The following HMG20A variants were observed in gnomAD, a reference collection of about 807,000 sequenced individuals.
The protein encoded by HMG20A is high mobility group protein 20A.
A neutral mutation model predicts 43.9 loss-of-function variants in HMG20A; 17 were observed. The observed-to-expected ratio is 0.39, with a 90% confidence interval of 0.27 to 0.58. HMG20A has a LOEUF of 0.58. Ranked by LOEUF, HMG20A falls within the 20% of genes least tolerant of loss-of-function variation. HMG20A has a pLI of 0.59. For synonymous variants in HMG20A, 132 were observed against 147.5 expected, an observed-to-expected ratio of 0.89 and a Z score of 0.76; for missense variants, 341 against 438.2, an observed-to-expected ratio of 0.78 and a Z score of 1.98.
the HMG20A span, among the ~76,000 whole-genome samples, chr15:77,515,952 C>G: frequency 6.6e-6 from 1 of 152,156 alleles, no homozygotes; most frequent in Non-Finnish European, 1.5e-5. Flanking sequence ...CCATGACACC[C>G]TCCAGGGGCC....
chr15:77,472,382 C>A (rs940403838), intron 6 of HMG20A, among the ~76,000 whole-genome samples: 3 of 152,222 alleles, frequency 2.0e-5, no homozygotes, highest in African/African-American at 7.2e-5. Flanking sequence ...TCAAGCAATT[C>A]TCCTGCCTCA....
downstream of HMG20A, among the ~76,000 whole-genome samples, chr15:77,486,779 G>A (rs569401756): frequency 2.0e-5 from 3 of 152,270 alleles, no homozygotes; most frequent in South Asian, 4.1e-4. Flanking sequence ...CTGTACTATT[G>A]TAAGAAGGAT....
intron 1 of HMG20A, among the ~76,000 whole-genome samples, chr15:77,431,819 T>C (rs1368351474): frequency 7.0e-6 from 1 of 142,862 alleles, no homozygotes; most frequent in Non-Finnish European, 1.5e-5. Context: ...CCCTGGTAAC[T>C]ACCATTCTAC....
intron 1 of HMG20A, among the ~76,000 whole-genome samples, chr15:77,452,794 T>G (rs1180524600): frequency 6.6e-6 from 1 of 152,200 alleles, no homozygotes; most frequent in Admixed American, 6.5e-5. Flanking sequence ...CAAAGACCAC[T>G]ATCAAAGTGA....
At chr15:77,486,550 C>T (rs542718985), downstream of HMG20A, among the ~76,000 whole-genome samples, 120 of 152,214 alleles carry the variant, frequency 7.9e-4, no homozygotes, top group Non-Finnish European at 1.4e-3. Flanking sequence ...TGAGCCACCA[C>T]GCCCAGCCAA....
At chr15:77,479,136 T>C in intron 8 of HMG20A, 43 bp from the exon 9 acceptor site, 2 of 1,598,868 alleles carry the variant, frequency 1.3e-6, no homozygotes, top group Non-Finnish European at 1.7e-6. Context: ...ATGGTACAAC[T>C]GAATAGGGAG....
the HMG20A span, among the ~76,000 whole-genome samples, chr15:77,506,491 C>T: frequency 2.4e-4 from 36 of 152,322 alleles, no homozygotes; most frequent in East Asian, 2.7e-3. Flanking sequence ...TGTGCGGCTG[C>T]CCTCTTGACT....
At chr15:77,462,772 CTTTT>C (rs71145836) in intron 2 of HMG20A, among the ~76,000 whole-genome samples, 2 of 127,786 alleles carry the variant, frequency 1.6e-5, no homozygotes, top group Non-Finnish European at 3.3e-5. Context: ...TTTTCTTTTT[CTTTT>C]TTTTTTTTTT....
chr15:77,439,371 C>G (rs987455470), intron 1 of HMG20A, among the ~76,000 whole-genome samples: 3 of 152,144 alleles, frequency 2.0e-5, no homozygotes, highest in African/African-American at 7.2e-5. Context: ...ATTTTCGTCA[C>G]TCTAGGAGGC....
rs79714986 is a variant in HMG20A, at chr15:77,467,051, G to T, written c.238-44G>T. 652 of 1,510,108 alleles carry T rather than the reference G, an allele frequency of 4.3e-4. 2 individuals are homozygous for T. The African/African-American group carries it at 8.2e-3, about 19-fold the overall frequency. 93.5% of individuals were successfully genotyped at this position (1,510,108 alleles called of 1,614,324 possible). ...TGTTGTTGGGTTATTTTGGGAGATG[G>T]TTGTTGTTTGGTTTTTGGTTTTTTA... On this transcript the variant is annotated intron_variant, in intron 3 of 9. Transcript: ENST00000336216.
intron 2 of HMG20A, among the ~76,000 whole-genome samples, chr15:77,463,240 C>A (rs1372996953): frequency 6.6e-6 from 1 of 152,166 alleles, no homozygotes; most frequent in Non-Finnish European, 1.5e-5. Flanking sequence ...ACGTACTCAT[C>A]TTTTAGGACC....
intron 1 of HMG20A, chr15:77,447,576 C>G (rs1296392095): frequency 6.6e-6 from 1 of 152,040 alleles, no homozygotes; most frequent in Non-Finnish European, 1.5e-5. Context: ...AAGAAGATAT[C>G]TGATTTAAGT....
At chr15:77,508,632 C>T in the HMG20A span, among the ~76,000 whole-genome samples, 2 of 152,194 alleles carry the variant, frequency 1.3e-5, no homozygotes, top group Non-Finnish European at 2.9e-5. Context: ...GGAATCCACA[C>T]TGAAGTCCCT....
the HMG20A span, among the ~76,000 whole-genome samples, chr15:77,511,615 G>A: frequency 2.0e-5 from 3 of 152,154 alleles, no homozygotes; most frequent in Non-Finnish European, 4.4e-5. Flanking sequence ...TTCAATAGAC[G>A]TTTCTCCAAA....
the HMG20A span, among the ~76,000 whole-genome samples, chr15:77,507,736 C>T: frequency 7.9e-5 from 12 of 152,208 alleles, no homozygotes; most frequent in African/African-American, 2.9e-4. Flanking sequence ...CAGGTATTTC[C>T]TGTTCTTCAC....
chr15:77,504,539 G>C, the HMG20A span, among the ~76,000 whole-genome samples: 1 of 152,174 alleles, frequency 6.6e-6, no homozygotes, highest in Non-Finnish European at 1.5e-5. Flanking sequence ...GGTGCTCCCC[G>C]CTGGGGCTGG....
At chr15:77,513,933 TCAG>T in the HMG20A span, among the ~76,000 whole-genome samples, 1 of 152,074 alleles carries the variant, frequency 6.6e-6, no homozygotes, top group Non-Finnish European at 1.5e-5. Flanking sequence ...ACCATATTGG[TCAG>T]GATGGTCTCG....
At chr15:77,491,717 C>T in the HMG20A span, among the ~76,000 whole-genome samples, 2 of 152,146 alleles carry the variant, frequency 1.3e-5, no homozygotes. Context: ...AAGAGCTTTA[C>T]CAGGATAACA....
intron 9 of HMG20A, among the ~76,000 whole-genome samples, chr15:77,479,966 A>T (rs1000259073): frequency 8.5e-5 from 13 of 152,170 alleles, no homozygotes; most frequent in African/African-American, 2.9e-4. Context: ...TCACCATACA[A>T]ACAGGTAACT....
Sources: gnomAD v4.1 joint callset for allele counts (sites outside exome capture counted in the v4.1 genomes callset) on GRCh38, gnomAD v4.1.1 for gene constraint, MANE v1.5 for transcripts, NCBI Gene and HGNC (gene_info 2026-07-23, HGNC 2026-07-21) for gene names.